The following PRKCH variants were observed in gnomAD, a reference collection of about 807,000 sequenced individuals.
PRKCH encodes protein kinase C eta type.
Under a neutral mutation model 82.5 loss-of-function variants are expected in PRKCH, and 28 were observed. That is an observed-to-expected ratio of 0.34 (90% CI 0.25 to 0.47). The LOEUF is 0.47. Among genes scored for constraint, PRKCH ranks in the 20% least tolerant of loss-of-function variants. The probability of loss-of-function intolerance (pLI) is 1.00; values close to 1 mark genes in which losing one functional copy is unlikely to be tolerated. For missense variants in PRKCH, 705 were observed against 881.8 expected (o/e 0.80, Z 2.54); for synonymous variants, 322 against 327.4 (o/e 0.98, Z 0.18).
intron 9 of PRKCH, among the ~76,000 whole-genome samples, chr14:61,484,220 T>C (rs879512967): frequency 2.6e-5 from 4 of 151,046 alleles, no homozygotes; most frequent in Non-Finnish European, 5.9e-5. Context: ...CCCAGGCAGG[T>C]GACCAGATAT....
chr14:61,205,216 A>G (rs1027150315), intron 1 of PRKCH, among the ~76,000 whole-genome samples: 1 of 152,210 alleles, frequency 6.6e-6, no homozygotes, highest in African/African-American at 2.4e-5. Flanking sequence ...AATTATTTCC[A>G]TGGCCAACAG....
intron 1 of PRKCH, among the ~76,000 whole-genome samples, chr14:61,247,567 C>T (rs971873763): frequency 1.3e-5 from 2 of 151,708 alleles, no homozygotes; most frequent in African/African-American, 4.8e-5. Flanking sequence ...GAAACCCTAT[C>T]TCTCCTAAAA....
intron 1 of PRKCH, among the ~76,000 whole-genome samples, chr14:61,210,790 C>CTGTGTGTGTGTGTGTG (rs1014835104): frequency 2.9e-5 from 4 of 138,986 alleles, no homozygotes; most frequent in African/African-American, 1.2e-4. Context: ...CTCTCTCTCT[C>CTGTGTGTGTGTGTGTG]TGTGTGTGTG....
At chr14:61,346,145 A>T (rs2045989578) in intron 1 of PRKCH, among the ~76,000 whole-genome samples, 1 of 152,136 alleles carries the variant, frequency 6.6e-6, no homozygotes, top group Admixed American at 6.5e-5. Context: ...CAGCTCCCCA[A>T]ATGGACATGC....
intron 1 of PRKCH, among the ~76,000 whole-genome samples, chr14:61,301,961 T>C (rs2140104629): frequency 6.6e-6 from 1 of 152,376 alleles, no homozygotes; most frequent in South Asian, 2.1e-4. Context: ...AGTTCTCTCA[T>C]GTTCTCTTTC....
intron 1 of PRKCH, among the ~76,000 whole-genome samples, chr14:61,356,152 G>C (rs911713066): frequency 6.6e-6 from 1 of 152,304 alleles, no homozygotes; most frequent in African/African-American, 2.4e-5. Context: ...AAGTGGAGGG[G>C]GGTGGCAGGG....
At chr14:61,398,822 A>G (rs879733522) in intron 2 of PRKCH, among the ~76,000 whole-genome samples, 1 of 152,098 alleles carries the variant, frequency 6.6e-6, no homozygotes, top group Admixed American at 6.6e-5. Flanking sequence ...AGAAAAAAGT[A>G]AAGGAAAGAG....
intron 1 of PRKCH, among the ~76,000 whole-genome samples, chr14:61,377,052 G>A (rs924524326): frequency 1.4e-4 from 22 of 152,120 alleles, no homozygotes; most frequent in African/African-American, 4.6e-4. Context: ...GCTAATGATG[G>A]GGTGGGTATC....
At chr14:61,351,458 A>T (rs548214022) in intron 1 of PRKCH, among the ~76,000 whole-genome samples, 2 of 152,326 alleles carry the variant, frequency 1.3e-5, no homozygotes, top group South Asian at 2.1e-4. Flanking sequence ...TGGTAGCATT[A>T]GTCTTTCTTC....
intron 1 of PRKCH, among the ~76,000 whole-genome samples, chr14:61,291,942 CT>C (rs997396463): frequency 1.4e-4 from 21 of 152,038 alleles, no homozygotes; most frequent in African/African-American, 4.3e-4. Context: ...TTAGGTTTTT[CT>C]TATCAGATTG....
At chr14:61,195,161 C>G (rs2044432071) in intron 1 of PRKCH, among the ~76,000 whole-genome samples, 1 of 151,628 alleles carries the variant, frequency 6.6e-6, no homozygotes, top group Non-Finnish European at 1.5e-5. Context: ...GCCTAAATAA[C>G]TTGCTTTAGT....
rs923432843 is a variant in PRKCH at position 61,254,009 on chromosome 14, CCCTT to C, written c.-19+66358_-19+66361del. 8.0e-3 allele frequency among the ~76,000 whole-genome samples: 838 copies of C among 104,936 alleles called. 6 individuals carry two copies. The highest frequency in any genetic ancestry group is 0.019 in the African/African-American group (399 of 21,296). The allele number at this position is 104,936 out of a possible 152,430, so 68.8% of individuals were successfully genotyped here. A position where few individuals can be genotyped will look rare whatever the true frequency, so the allele number is the denominator to read the frequency against. ...TCCCTCCCTCCCTCCCTCCCTCCCTCCCTTCCTTCCTTCCTTCCTTTCTTCTTTC... is the reference window on the plus strand; with the variant it reads ...TCCCTCCCTCCCTCCCTCCCTCCCTCCCTTCCTTCCTTCCTTTCTTCTTTC... On this transcript the variant is annotated intron_variant, in intron 1 of 3. Coordinates refer to the PRKCH transcript ENST00000555185.
chr14:61,330,900 G>T (rs112472260), intron 1 of PRKCH, among the ~76,000 whole-genome samples: 6,198 of 152,168 alleles, frequency 0.041, 170 homozygotes, highest in Non-Finnish European at 0.059. Context: ...GTTGGAAGAA[G>T]AATTGTTTTG....
At chr14:61,385,810 G>A (rs1289804593) in intron 1 of PRKCH, among the ~76,000 whole-genome samples, 1 of 152,114 alleles carries the variant, frequency 6.6e-6, no homozygotes, top group Admixed American at 6.5e-5. Flanking sequence ...ATGCAAGGTA[G>A]GGTCTCCTTT....
rs1319235981 is a variant in PRKCH, at chr14:61,413,403, GCC to G, written c.427+22124_427+22125del. Among the ~76,000 whole-genome samples the G allele has an allele frequency of 5.0e-3, 206 of 40,940 alleles. 12 individuals carry two copies. Among genetic ancestry groups the G allele is most frequent in the African/African-American group, 0.01 (152 of 14,978 alleles). The allele number at this position is 40,940 out of a possible 152,430, so 26.9% of individuals were successfully genotyped here. ...CAACCTTCATCATTTCTTTTTAAGC[GCC>G]CCCCCCCCGCCCCGCCCATGTACCC... On this transcript the variant is annotated intron_variant, in intron 2 of 13. Coordinates refer to ENST00000332981, the MANE Select transcript of PRKCH (RefSeq NM_006255.5).
At position 61,194,787 on chromosome 14, in the gene PRKCH, G is replaced by T. The variant is rs1437088560; in HGVS notation, c.-19+7119G>T. On this transcript the variant is annotated intron_variant, in intron 1 of 3. Coordinates refer to the PRKCH transcript ENST00000555185. ...TTGCTCTCATCGCCCAGGCTTGAGT[G>T]CAATGGGGCGACCTCGGCTCACTGC... Among the ~76,000 whole-genome samples the T allele has an allele frequency of 3.3e-5, 5 of 152,296 alleles. 1 individual carries two copies. The East Asian group carries it at 9.7e-4, about 29-fold the overall frequency.
rs138251147 is a variant in PRKCH, at chr14:61,498,008, G to T, written c.1433+12352G>T. On this transcript the variant is annotated intron_variant, in intron 10 of 13. Coordinates refer to ENST00000332981, the MANE Select transcript of PRKCH (RefSeq NM_006255.5). ...GTTGTCTTTTTATCATTAAAAAAAT[G>T]CCATCCTATTTATTTATTTATTTAG... Among the ~76,000 whole-genome samples, 341 of 151,966 alleles carry T rather than the reference G, an allele frequency of 2.2e-3. 5 individuals carry two copies. The East Asian group carries it at 0.025, about 11-fold the overall frequency.
At chr14:61,420,165 T>C (rs1882760526) in intron 2 of PRKCH, among the ~76,000 whole-genome samples, 2 of 152,060 alleles carry the variant, frequency 1.3e-5, no homozygotes, top group Non-Finnish European at 2.9e-5. Flanking sequence ...ACTAAATGGG[T>C]CATGTGTGCC....
chr14:61,458,232 G>C (rs920271746), intron 9 of PRKCH, among the ~76,000 whole-genome samples: 2 of 152,230 alleles, frequency 1.3e-5, no homozygotes, highest in African/African-American at 4.8e-5. Context: ...AATGGCGTGC[G>C]TTTAGGAATG....
Sources: gnomAD v4.1 joint callset for allele counts (sites outside exome capture counted in the v4.1 genomes callset) on GRCh38, gnomAD v4.1.1 for gene constraint, MANE v1.5 for transcripts, NCBI Gene and HGNC (gene_info 2026-07-23, HGNC 2026-07-21) for gene names.